BCKDHB: variants seen among roughly 807,000 people sequenced by gnomAD.
BCKDHB encodes the protein branched chain keto acid dehydrogenase E1 subunit beta.
In BCKDHB, 41 loss-of-function variants were observed where a neutral mutation model predicts 48.5. The observed-to-expected ratio is 0.85, with a 90% CI of 0.66 to 1.10. The LOEUF is 1.10. BCKDHB is among the 50% of genes least tolerant of loss of function. BCKDHB has a pLI of 0.00. For synonymous variants in BCKDHB, 201 were observed against 174.8 expected (o/e 1.15, Z -1.18); for missense variants, 496 against 494.2 (o/e 1.00, Z -0.03).
chr6:80,345,554 G>A lies in BCKDHB; in HGVS notation c.*1750G>A, dbSNP rs548941993. ...TAGTCTAAGAATATTGTTATAGATG[G>A]AAGTTAGGACCATTAGCCCACAGAT... On this transcript the variant is annotated 3_prime_UTR_variant, in exon 10 of 10. Transcript: ENST00000320393. The A allele has an allele frequency of 6.6e-6, 1 of 152,204 alleles. No homozygotes were observed. The highest frequency in any genetic ancestry group is 1.5e-5 in the Non-Finnish European group (1 of 68,044). 9.4% of individuals were successfully genotyped at this position (152,204 alleles called of 1,614,324 possible). A position where few individuals can be genotyped will look rare whatever the true frequency, so the allele number is the denominator to read the frequency against.
the BCKDHB span, among the ~76,000 whole-genome samples, chr6:80,390,559 T>G: frequency 6.6e-6 from 1 of 152,236 alleles, no homozygotes; most frequent in Non-Finnish European, 1.5e-5. Context: ...TCATGTGACA[T>G]AAGATTTATT....
rs1554215008 is a variant in BCKDHB at position 80,335,247 on chromosome 6, A to AAGAG, written c.1039-8417_1039-8416insAGAG. Among the ~76,000 whole-genome samples, 809 of 144,928 alleles carry AAGAG rather than the reference A, an allele frequency of 5.6e-3. 20 individuals are homozygous for AAGAG. Among genetic ancestry groups the AAGAG allele is most frequent in the Admixed American group, 8.5e-3 (124 of 14,504 alleles). The stretch of plus-strand genomic sequence containing the variant: ...ATTTTGTGGGAAAAAAAAAAAAAAA[A>AAGAG]GAAGAAAAATTGAATGCTTTGTATG... On this transcript the variant is annotated intron_variant, in intron 9 of 9. Coordinates refer to ENST00000320393, the MANE Select transcript of BCKDHB (RefSeq NM_183050.4).
chr6:80,251,454 CA>C (rs967905839), intron 8 of BCKDHB, among the ~76,000 whole-genome samples: 25 of 152,126 alleles, frequency 1.6e-4, no homozygotes, highest in Non-Finnish European at 3.2e-4. Context: ...GGGAAAAAGG[CA>C]AAATTGTATT....
chr6:80,193,255 A>G (rs1399061301), intron 6 of BCKDHB, among the ~76,000 whole-genome samples: 1 of 152,162 alleles, frequency 6.6e-6, no homozygotes, highest in Non-Finnish European at 1.5e-5. Flanking sequence ...TGGGTCCAAG[A>G]CTTTCTGTTT....
chr6:80,138,434 T>G (rs1235315886), intron 3 of BCKDHB, among the ~76,000 whole-genome samples: 3 of 151,932 alleles, frequency 2.0e-5, no homozygotes, highest in Admixed American at 2.0e-4. Context: ...CCAATGCTAT[T>G]CCTCCCCCGT....
At chr6:80,180,079 C>T (rs932425716) in intron 6 of BCKDHB, among the ~76,000 whole-genome samples, 4 of 152,154 alleles carry the variant, frequency 2.6e-5, no homozygotes, top group Non-Finnish European at 5.9e-5. Flanking sequence ...CCCACATGTC[C>T]AGCCTTTAGA....
chr6:80,408,792 C>CT, the BCKDHB span, among the ~76,000 whole-genome samples: 724 of 57,448 alleles, frequency 0.013, 6 homozygotes, highest in African/African-American at 0.037. Flanking sequence ...TTTTGTTGAT[C>CT]TTTTTTTTTT....
At chr6:80,207,962 A>G (rs1234116786) in intron 8 of BCKDHB, among the ~76,000 whole-genome samples, 1 of 151,834 alleles carries the variant, frequency 6.6e-6, no homozygotes, top group Non-Finnish European at 1.5e-5. Context: ...AATCAAGCAG[A>G]CAAAATCTCG....
At chr6:80,167,016 A>C (rs955224189) in intron 3 of BCKDHB, among the ~76,000 whole-genome samples, 1 of 151,850 alleles carries the variant, frequency 6.6e-6, no homozygotes, top group East Asian at 1.9e-4. Context: ...GATTTTGTCC[A>C]TTTGTCCTTT....
the BCKDHB span, among the ~76,000 whole-genome samples, chr6:80,458,206 A>G: frequency 1.3e-5 from 2 of 152,174 alleles, no homozygotes; most frequent in Non-Finnish European, 2.9e-5. Flanking sequence ...TTTCTGCACA[A>G]TTTCTGCAGA....
chr6:80,323,345 GT>G (rs1027578246), intron 9 of BCKDHB, among the ~76,000 whole-genome samples: 1 of 151,864 alleles, frequency 6.6e-6, no homozygotes, highest in African/African-American at 2.4e-5. Flanking sequence ...ATTGACTTTT[GT>G]TTTTTTAATT....
chr6:80,313,157 A>C (rs1006155179), intron 9 of BCKDHB, among the ~76,000 whole-genome samples: 1 of 152,028 alleles, frequency 6.6e-6, no homozygotes, highest in African/African-American at 2.4e-5. Context: ...CAGTCTTGGG[A>C]GGGTGTATGT....
intron 3 of BCKDHB, among the ~76,000 whole-genome samples, chr6:80,149,561 A>G (rs1343549059): frequency 1.3e-5 from 2 of 151,846 alleles, no homozygotes; most frequent in Non-Finnish European, 2.9e-5. Context: ...CACAATAGCA[A>G]AGACTTGGAA....
intron 4 of BCKDHB, 99 bp from the exon 5 acceptor site, chr6:80,168,776 G>A (rs2127775025): frequency 1.6e-6 from 1 of 612,348 alleles, no homozygotes; most frequent in South Asian, 2.3e-5. Context: ...TTGTGCCTTG[G>A]GAAGGGAAGG....
rs1018516082 is a variant in BCKDHB, at chr6:80,121,389, A to G, written c.197-6158A>G. On this transcript the variant is annotated intron_variant, in intron 1 of 9. Transcript: ENST00000320393. The stretch of plus-strand genomic sequence containing the variant: ...ATGAACTTTAAAGTAGTTTTTTCCA[A>G]TTCTGTGAAGAAAGTCATTGGTAGC... 7.9e-5 allele frequency among the ~76,000 whole-genome samples: 12 copies of G among 152,086 alleles called. 1 individual carries two copies. The South Asian group carries it at 8.3e-4, about 11-fold the overall frequency.
intron 6 of BCKDHB, among the ~76,000 whole-genome samples, chr6:80,186,296 C>CG (rs1773637571): frequency 6.6e-6 from 1 of 152,058 alleles, no homozygotes; most frequent in African/African-American, 2.4e-5. Flanking sequence ...GGTGATGTTC[C>CG]GGGGCATTAC....
chr6:80,107,522 T>TATATGCAC (rs1203306624), intron 1 of BCKDHB, among the ~76,000 whole-genome samples: 5 of 133,998 alleles, frequency 3.7e-5, no homozygotes, highest in Middle Eastern at 7.8e-3. Flanking sequence ...CGCATATATA[T>TATATGCAC]ATATATGCAT....
intron 8 of BCKDHB, among the ~76,000 whole-genome samples, chr6:80,207,919 G>A (rs1774743269): frequency 6.6e-6 from 1 of 151,774 alleles, no homozygotes; most frequent in Non-Finnish European, 1.5e-5. Context: ...GTTACAGCAG[G>A]AGACTTTAAG....
In BCKDHB at chr6:80,126,307, T is replaced by C. The variant is rs561094270; in HGVS notation, c.197-1240T>C. Among the ~76,000 whole-genome samples the C allele has an allele frequency of 7.5e-4, 114 of 152,030 alleles. 1 individual carries two copies. The highest frequency in any genetic ancestry group is 2.6e-3 in the African/African-American group (108 of 41,472). ...GTCAGAAGTCTGGAGTATCGGTGGA[T>C]AATGGAAGGAGGAAAGATGTCATAT... is the stretch of plus-strand genomic sequence containing the variant. On this transcript the variant is annotated intron_variant, in intron 1 of 9. Coordinates refer to ENST00000320393, the MANE Select transcript of BCKDHB (RefSeq NM_183050.4).
Sources: gnomAD v4.1 joint callset for allele counts (sites outside exome capture counted in the v4.1 genomes callset) on GRCh38, gnomAD v4.1.1 for gene constraint, MANE v1.5 for transcripts, NCBI Gene and HGNC (gene_info 2026-07-23, HGNC 2026-07-21) for gene names.